The following TANK variants were observed in gnomAD, a reference collection of about 807,000 sequenced individuals.
The protein encoded by TANK is TRAF family member associated NFKB activator, also known as TRAF family member-associated NF-kappa-B activator.
A neutral mutation model predicts 43.6 loss-of-function variants in TANK; 15 were observed. The observed-to-expected ratio is 0.34, with a 90% CI of 0.23 to 0.53. The LOEUF (loss-of-function observed/expected upper bound fraction) is 0.53, where lower values mean the gene tolerates loss of function less well. Ranked by LOEUF, TANK falls within the 20% of genes least tolerant of loss-of-function variation. TANK has a pLI of 0.94. For missense variants in TANK, 417 were observed against 498.6 expected (o/e 0.84, Z 1.56); for synonymous variants, 162 against 178.2 (o/e 0.91, Z 0.73).
intron 1 of TANK, among the ~76,000 whole-genome samples, chr2:161,142,213 T>G (rs1362810321): frequency 1.3e-5 from 2 of 152,226 alleles, no homozygotes; most frequent in African/African-American, 4.8e-5. Flanking sequence ...TCCTTGTAGA[T>G]TCTGGATATT....
At chr2:161,140,038 A>C in intron 1 of TANK, 1 of 603,084 alleles carries the variant, frequency 1.7e-6, no homozygotes, top group Non-Finnish European at 2.1e-6. Flanking sequence ...TTGTTTTTAT[A>C]TTCATAAGTC....
At chr2:161,232,326 AGATT>A (rs1285648409) in intron 7 of TANK, among the ~76,000 whole-genome samples, 14 of 152,232 alleles carry the variant, frequency 9.2e-5, no homozygotes, top group Non-Finnish European at 1.6e-4. Flanking sequence ...ATGAAAATAC[AGATT>A]GATGTAAATG....
chr2:161,191,526 T>C (rs1292364806), intron 2 of TANK, among the ~76,000 whole-genome samples: 2 of 152,242 alleles, frequency 1.3e-5, no homozygotes, highest in African/African-American at 4.8e-5. Flanking sequence ...TATTTAATCC[T>C]TGTATAAATC....
At chr2:161,152,205 C>T (rs1038147620) in intron 1 of TANK, among the ~76,000 whole-genome samples, 2 of 152,026 alleles carry the variant, frequency 1.3e-5, no homozygotes, top group African/African-American at 4.8e-5. Flanking sequence ...TACAATTATC[C>T]TAGCTTTAAT....
chr2:161,192,118 AT>A (rs1685945459), intron 2 of TANK, among the ~76,000 whole-genome samples: 2 of 151,708 alleles, frequency 1.3e-5, no homozygotes, highest in South Asian at 4.2e-4. Context: ...GAACCTTCTC[AT>A]TTTTTCCTGT....
At chr2:161,202,776 C>G (rs150280469) in intron 2 of TANK, 12 of 420,778 alleles carry the variant, frequency 2.9e-5, no homozygotes, top group Non-Finnish European at 4.4e-5. Context: ...AATTGTGATA[C>G]AACAGTTTCA....
chr2:161,212,376 A>C, intron 4 of TANK: 1 of 984,744 alleles, frequency 1.0e-6, no homozygotes, highest in East Asian at 1.1e-4. Flanking sequence ...ACAAACTCTT[A>C]AGAAAACAAA....
intron 4 of TANK, chr2:161,216,590 CAA>C (rs79872049): frequency 7.3e-3 from 882 of 121,486 alleles, no homozygotes; most frequent in South Asian, 0.034. Context: ...CTTTCTTGGC[CAA>C]AAAAAAAAAA....
At chr2:161,167,022 T>A (rs115285985) in intron 1 of TANK, among the ~76,000 whole-genome samples, 2,110 of 152,288 alleles carry the variant, frequency 0.014, 56 homozygotes, top group African/African-American at 0.048. Context: ...TGCTTTAGAT[T>A]TGAGTTGGTC....
intron 2 of TANK, among the ~76,000 whole-genome samples, chr2:161,198,205 A>G (rs1325312616): frequency 6.6e-6 from 1 of 152,240 alleles, no homozygotes; most frequent in African/African-American, 2.4e-5. Flanking sequence ...AGGAAAGAAC[A>G]AAGGGCTAAC....
At chr2:161,143,091 A>G (rs1373414235) in intron 1 of TANK, among the ~76,000 whole-genome samples, 1 of 152,094 alleles carries the variant, frequency 6.6e-6, no homozygotes, top group Non-Finnish European at 1.5e-5. Context: ...GCAATTGTGA[A>G]TGAGACTTCA....
At chr2:161,169,065 G>T (rs948337727) in intron 1 of TANK, among the ~76,000 whole-genome samples, 1 of 152,206 alleles carries the variant, frequency 6.6e-6, no homozygotes. Flanking sequence ...GCGTCACCAC[G>T]TGGGGATATA....
chr2:161,224,731 C>T lies in TANK; in HGVS notation c.505C>T (p.Pro169Ser), dbSNP rs915474422. 4 of 1,532,118 alleles carry T rather than the reference C, an allele frequency of 2.6e-6. No individual in the cohort carries two copies. The highest frequency in any genetic ancestry group is 1.4e-5 in the African/African-American group (1 of 71,866). 94.9% of individuals were successfully genotyped at this position (1,532,118 alleles called of 1,614,324 possible). Residue 169 changes from proline (P) to serine (S), a missense_variant, in exon 6 of 8, where the codon CCA (proline) becomes TCA (serine). Physicochemically the swap from Pro to Ser is moderately conservative, Grantham distance 74 (BLOSUM62 -1). Transcript: ENST00000392749. ...QKDHLSKLNI[P>S]DTATETQCSV... is the part of the protein sequence containing the mutation. Reference sequence around the variant, plus strand: ...AGACCACTTAAGCAAACTTAATATACCAGACACTGCAACTGGTAAGATTTA... The same window carrying T: ...AGACCACTTAAGCAAACTTAATATATCAGACACTGCAACTGGTAAGATTTA...
At chr2:161,199,140 G>C (rs944883409) in intron 2 of TANK, among the ~76,000 whole-genome samples, 3 of 152,098 alleles carry the variant, frequency 2.0e-5, no homozygotes, top group Admixed American at 1.3e-4. Context: ...GAACTGTAGA[G>C]CTTCCTATGG....
Position 161,161,247 on chromosome 2 carries a change from G to A in TANK, c.-50+761G>A, listed in dbSNP as rs1027993086. ...TGCTATAACGAGCAAAAGTAAAGCAGCCTTGCTATGTAAAGTGGTGTTTAT... is the reference window on the plus strand; with the variant it reads ...TGCTATAACGAGCAAAAGTAAAGCAACCTTGCTATGTAAAGTGGTGTTTAT... On this transcript the variant is annotated intron_variant, in intron 1 of 7. Transcript: ENST00000392749. 1.5e-5 allele frequency: 24 copies of A among 1,548,526 alleles called. No homozygotes were observed. In the African/African-American group the frequency reaches 2.6e-4, roughly 17 times the overall value.
intron 1 of TANK, chr2:161,161,410 G>A (rs1250013469): frequency 6.4e-7 from 1 of 1,550,754 alleles, no homozygotes; most frequent in Non-Finnish European, 8.7e-7. Flanking sequence ...ACCCAAACGA[G>A]AGGTAGCAGA....
intron 2 of TANK, chr2:161,201,332 A>G (rs573214723): frequency 2.3e-6 from 2 of 882,288 alleles, no homozygotes; most frequent in Non-Finnish European, 2.7e-6. Context: ...GTGCTAAAGT[A>G]TGTTTTTTAA....
chr2:161,215,310 C>T (rs1687069601), intron 4 of TANK, among the ~76,000 whole-genome samples: 1 of 152,132 alleles, frequency 6.6e-6, no homozygotes, highest in South Asian at 2.1e-4. Flanking sequence ...AAGAATATTC[C>T]AGCATCTCCT....
At chr2:161,187,824 A>G (rs1305638475) in intron 2 of TANK, among the ~76,000 whole-genome samples, 1 of 152,184 alleles carries the variant, frequency 6.6e-6, no homozygotes, top group Middle Eastern at 3.2e-3. Flanking sequence ...AAAATGACTT[A>G]ATAAATTTAA....
Sources: gnomAD v4.1 joint callset for allele counts (sites outside exome capture counted in the v4.1 genomes callset) on GRCh38, gnomAD v4.1.1 for gene constraint, MANE v1.5 for transcripts, NCBI Gene and HGNC (gene_info 2026-07-23, HGNC 2026-07-21) for gene names.